TMEM132D: variants seen among roughly 807,000 people sequenced by gnomAD.
TMEM132D encodes transmembrane protein 132D.
TMEM132D carries 21 observed loss-of-function variants against 62.3 expected under a neutral mutation model. The ratio of observed to expected loss-of-function variants is 0.34; its 90% CI spans 0.24 to 0.49. TMEM132D has a LOEUF of 0.49. Among genes scored for constraint, TMEM132D ranks in the 20% least tolerant of loss-of-function variants. The pLI, the probability that TMEM132D is intolerant of heterozygous loss-of-function variation, is 0.99. For missense variants in TMEM132D, 1,346 were observed against 1,402.8 expected (o/e 0.96, Z 0.65); for synonymous variants, 621 against 575.6 (o/e 1.08, Z -1.13).
intron 5 of TMEM132D, among the ~76,000 whole-genome samples, chr12:129,152,995 C>T (rs978212523): frequency 6.6e-6 from 1 of 152,170 alleles, no homozygotes; most frequent in Admixed American, 6.5e-5. Flanking sequence ...GCCAACTCTT[C>T]CGAGCTCTGG....
intron 2 of TMEM132D, among the ~76,000 whole-genome samples, chr12:129,635,854 A>G (rs1879463185): frequency 6.6e-6 from 1 of 152,188 alleles, no homozygotes; most frequent in South Asian, 2.1e-4. Context: ...GATTTGATAC[A>G]TTTCAGGGAG....
At chr12:129,834,202 TCC>T (rs1872929938) in intron 1 of TMEM132D, among the ~76,000 whole-genome samples, 3 of 94,764 alleles carry the variant, frequency 3.2e-5, no homozygotes, top group African/African-American at 9.0e-5. Flanking sequence ...TTCCCTCCTT[TCC>T]ACCAGGCACT....
chr12:129,731,474 GGA>G, intron 1 of TMEM132D, among the ~76,000 whole-genome samples: 1 of 152,100 alleles, frequency 6.6e-6, no homozygotes, highest in Non-Finnish European at 1.5e-5. Context: ...TGGCATTTGA[GGA>G]GAGACCAAAA....
intron 3 of TMEM132D, among the ~76,000 whole-genome samples, chr12:129,349,309 T>G (rs967904307): frequency 1.3e-5 from 2 of 152,166 alleles, no homozygotes; most frequent in African/African-American, 4.8e-5. Context: ...ATTCTTGTAT[T>G]CAAGTTATGG....
At chr12:129,444,046 C>T (rs1013995488) in intron 3 of TMEM132D, among the ~76,000 whole-genome samples, 23 of 152,252 alleles carry the variant, frequency 1.5e-4, no homozygotes, top group African/African-American at 5.3e-4. Context: ...GCTGGGATAA[C>T]TGGCTAGCCA....
intron 4 of TMEM132D, among the ~76,000 whole-genome samples, chr12:129,232,373 T>G (rs759887215): frequency 1.3e-5 from 2 of 152,166 alleles, no homozygotes; most frequent in African/African-American, 4.8e-5. Flanking sequence ...GCTTGATGCT[T>G]AAGAAATGTT....
In TMEM132D at chr12:129,144,471, T is replaced by C. The variant is rs1433188250; in HGVS notation, c.1444-59769A>G. Among the ~76,000 whole-genome samples the C allele has an allele frequency of 2.0e-5, 3 of 152,186 alleles. No homozygotes were observed. The East Asian group carries it at 5.8e-4, about 29-fold the overall frequency. On this transcript the variant is annotated intron_variant, in intron 5 of 8. Transcript: ENST00000422113. ...TGTGTTGAAGCCCAAGCTAGTCATG[T>C]GGTTAAAGCTCAGGGAGAAGAACTC...
chr12:129,548,098 A>G (rs1876789807), intron 2 of TMEM132D, among the ~76,000 whole-genome samples: 1 of 152,196 alleles, frequency 6.6e-6, no homozygotes, highest in Non-Finnish European at 1.5e-5. Flanking sequence ...GGCTTCAATA[A>G]ACCCTGCACA....
intron 1 of TMEM132D, among the ~76,000 whole-genome samples, chr12:129,836,600 A>G (rs1432504497): frequency 6.6e-6 from 1 of 152,136 alleles, no homozygotes; most frequent in Non-Finnish European, 1.5e-5. Context: ...GTAAAGATGT[A>G]TACATTAGCT....
At chr12:129,206,022 C>T (rs1286756717) in intron 5 of TMEM132D, among the ~76,000 whole-genome samples, 1 of 152,082 alleles carries the variant, frequency 6.6e-6, no homozygotes, top group African/African-American at 2.4e-5. Flanking sequence ...CTAAGAAATA[C>T]CATTCTGGAC....
chr12:129,665,787 G>T (rs919136523), intron 2 of TMEM132D, among the ~76,000 whole-genome samples: 4 of 152,028 alleles, frequency 2.6e-5, no homozygotes, highest in Non-Finnish European at 5.9e-5. Context: ...CATAGTAGAC[G>T]CTTAAATATA....
chr12:129,353,361 G>T (rs1869931544), intron 3 of TMEM132D, among the ~76,000 whole-genome samples: 1 of 152,248 alleles, frequency 6.6e-6, no homozygotes, highest in Admixed American at 6.5e-5. Flanking sequence ...CTGTGAGAAT[G>T]AATAAAGAGG....
intron 3 of TMEM132D, among the ~76,000 whole-genome samples, chr12:129,519,916 C>T (rs1875801593): frequency 6.6e-6 from 1 of 152,088 alleles, no homozygotes; most frequent in South Asian, 2.1e-4. Flanking sequence ...GCCAAGAATG[C>T]TTGTTTTAAA....
At chr12:129,612,493 G>A (rs576649938) in intron 2 of TMEM132D, among the ~76,000 whole-genome samples, 181 of 152,214 alleles carry the variant, frequency 1.2e-3, no homozygotes, top group African/African-American at 4.1e-3. Flanking sequence ...TGATTTCTTC[G>A]ACAGGGCAAT....
intron 1 of TMEM132D, among the ~76,000 whole-genome samples, chr12:129,748,928 T>C (rs1399170349): frequency 1.3e-5 from 2 of 152,234 alleles, no homozygotes; most frequent in Non-Finnish European, 2.9e-5. Flanking sequence ...ACTGAGGACA[T>C]CTGCCTGGAC....
intron 2 of TMEM132D, among the ~76,000 whole-genome samples, chr12:129,579,000 T>G (rs2137125051): frequency 6.6e-6 from 1 of 152,254 alleles, no homozygotes; most frequent in Non-Finnish European, 1.5e-5. Flanking sequence ...ACATCAAAAA[T>G]TAACCATCAC....
chr12:129,301,444 A>T (rs1881711692), intron 4 of TMEM132D, among the ~76,000 whole-genome samples: 1 of 148,262 alleles, frequency 6.7e-6, no homozygotes, highest in African/African-American at 2.5e-5. Flanking sequence ...AGCAATGCTT[A>T]AAAAAAAAAG....
chr12:129,581,659 C>T (rs2137126981), intron 2 of TMEM132D, among the ~76,000 whole-genome samples: 1 of 152,324 alleles, frequency 6.6e-6, no homozygotes, highest in East Asian at 1.9e-4. Flanking sequence ...CCACCTTCTT[C>T]CATCTGCTTT....
intron 3 of TMEM132D, among the ~76,000 whole-genome samples, chr12:129,387,115 A>G (rs531892768): frequency 6.6e-6 from 1 of 152,110 alleles, no homozygotes; most frequent in Non-Finnish European, 1.5e-5. Flanking sequence ...TACTAACACT[A>G]ACATGAATGC....
Sources: gnomAD v4.1 joint callset for allele counts (sites outside exome capture counted in the v4.1 genomes callset) on GRCh38, gnomAD v4.1.1 for gene constraint, MANE v1.5 for transcripts, NCBI Gene and HGNC (gene_info 2026-07-23, HGNC 2026-07-21) for gene names.